Variants in HACD1 observed in about 807,000 individuals in gnomAD.
HACD1 encodes the protein very-long-chain (3R)-3-hydroxyacyl-CoA dehydratase 1.
A neutral mutation model predicts 32.0 loss-of-function variants in HACD1; 41 were observed. That is an observed-to-expected ratio of 1.28 (90% CI 1.00 to 1.66). The LOEUF (loss-of-function observed/expected upper bound fraction) is 1.66. HACD1 is among the 40% of genes most tolerant of loss of function. The pLI is 0.00. For missense variants in HACD1, 396 were observed against 380.1 expected, an observed-to-expected ratio of 1.04 and a Z score of -0.35; for synonymous variants, 142 against 139.0, an observed-to-expected ratio of 1.02 and a Z score of -0.15.
chr10:17,593,334 A>C (rs1554815728), intron 6 of HACD1, among the ~76,000 whole-genome samples: 1 of 120,502 alleles, frequency 8.3e-6, no homozygotes, highest in Non-Finnish European at 1.9e-5. Flanking sequence ...TTTTTTTTTG[A>C]GACAGAGTCT....
chr10:17,612,844 T>A (rs1345142637), intron 1 of HACD1, among the ~76,000 whole-genome samples: 1 of 149,438 alleles, frequency 6.7e-6, no homozygotes. Flanking sequence ...ATGGCGAGAA[T>A]CCGGGAGGCG....
rs541937721 is a variant in HACD1 at position 17,590,394 on chromosome 10, A to G, written c.837T>C (p.His279=). The change falls in exon 7 of 7, where the codon CAT becomes CAC. Residue 279 remains histidine (H), a synonymous_variant. Transcript: ENST00000361271. ...HMLRQRRKVL[H]GEVIVEKDD is the part of the protein sequence containing the mutation. ...CATCCTTTTCTACAATCACCTCTCC[A>G]TGAAGCACCTTTCTTCTTTGACGTA... The G allele has an allele frequency of 3.1e-6, 5 of 1,604,784 alleles. No homozygotes were observed. The African/African-American group carries it at 6.7e-5, about 21-fold the overall frequency.
chr10:17,603,793 A>G, intron 2 of HACD1, 49 bp from the exon 3 acceptor site: 1 of 1,553,194 alleles, frequency 6.4e-7, no homozygotes, highest in Non-Finnish European at 8.9e-7. Flanking sequence ...GAAAACATTA[A>G]ATAAACCACT....
chr10:17,614,355 C>T (rs1025284614), intron 1 of HACD1, among the ~76,000 whole-genome samples: 1 of 152,172 alleles, frequency 6.6e-6, no homozygotes, highest in Non-Finnish European at 1.5e-5. Context: ...CTCCTGGGTT[C>T]AAGCGATTAT....
At chr10:17,601,640 AT>A (rs1834071758) in intron 4 of HACD1, among the ~76,000 whole-genome samples, 2 of 152,090 alleles carry the variant, frequency 1.3e-5, no homozygotes, top group African/African-American at 2.4e-5. Context: ...TAACTCAGCT[AT>A]TATATTCCCT....
chr10:17,615,891 C>G (rs1554817987), intron 1 of HACD1: 2 of 419,442 alleles, frequency 4.8e-6, no homozygotes, highest in East Asian at 1.7e-4. Context: ...CGCTTGAACT[C>G]CGGAGGCTGA....
In HACD1 at chr10:17,599,338, T is replaced by C. The variant is rs1554816278; in HGVS notation, c.557A>G (p.Tyr186Cys). 1.2e-6 allele frequency: 2 copies of C among 1,613,962 alleles called. No homozygotes were observed. The highest frequency in any genetic ancestry group is 1.7e-6 in the Non-Finnish European group (2 of 1,179,996). The change falls in exon 5 of 7, where the codon TAC (tyrosine) becomes TGC (cysteine). Residue 186 changes from tyrosine (Y) to cysteine (C), a missense_variant. Transcript: ENST00000361271. Reference sequence around the variant, plus strand: ...CAAGTGGTCAAGAAGGCTGAATGTGTAGAAGGAATAGCGAGTGATCTCTGT... The same window carrying C: ...CAAGTGGTCAAGAAGGCTGAATGTGCAGAAGGAATAGCGAGTGATCTCTGT... ...TVTEITRYSFYTFSLLDHLPY... is the reference protein window; with the variant it reads ...TVTEITRYSFCTFSLLDHLPY...
intron 5 of HACD1, among the ~76,000 whole-genome samples, chr10:17,594,861 T>C (rs1393876175): frequency 6.8e-6 from 1 of 147,160 alleles, no homozygotes; most frequent in Non-Finnish European, 1.5e-5. Context: ...TTTTTTTTTG[T>C]TTTTTGTTTT....
At chr10:17,600,313 C>T (rs1172468783) in intron 4 of HACD1, among the ~76,000 whole-genome samples, 1 of 152,130 alleles carries the variant, frequency 6.6e-6, no homozygotes, top group Non-Finnish European at 1.5e-5. Context: ...TATTTGCTCA[C>T]CACCTTTATT....
intron 4 of HACD1, chr10:17,602,946 G>A (rs192310273): frequency 5.3e-5 from 8 of 151,964 alleles, no homozygotes; most frequent in South Asian, 2.1e-4. Flanking sequence ...GGAGTGCAGT[G>A]GCACAATCTC....
At chr10:17,612,150 C>T (rs1190528819) in intron 1 of HACD1, among the ~76,000 whole-genome samples, 1 of 150,018 alleles carries the variant, frequency 6.7e-6, no homozygotes, top group Non-Finnish European at 1.5e-5. Flanking sequence ...ATCCTTACAT[C>T]CTTTAAAGGT....
intron 5 of HACD1, among the ~76,000 whole-genome samples, chr10:17,595,252 G>A (rs1292342309): frequency 6.6e-6 from 1 of 152,084 alleles, no homozygotes; most frequent in Non-Finnish European, 1.5e-5. Flanking sequence ...GTAATTTATT[G>A]ATCAAACACT....
rs71393019 is a variant in HACD1 at position 17,591,976 on chromosome 10, A to ATTTTTTTTTTTTTTTTT, written c.785-1547_785-1531dup. On this transcript the variant is annotated intron_variant, in intron 6 of 6. Transcript: ENST00000361271. ...CCCTGCCTTAACTCACCAGCTACTG[A>ATTTTTTTTTTTTTTTTT]TTTTTTTTTTTTTTTTTTTTTTTGA... 9.1e-4 allele frequency among the ~76,000 whole-genome samples: 88 copies of ATTTTTTTTTTTTTTTTT among 96,942 alleles called. 19 individuals carry two copies. Among genetic ancestry groups the ATTTTTTTTTTTTTTTTT allele is most frequent in the African/African-American group, 3.0e-3 (66 of 22,290 alleles). The allele number at this position is 96,942 out of a possible 152,430, so 63.6% of individuals were successfully genotyped here.
intron 1 of HACD1, 148 bp downstream of exon 1, chr10:17,616,935 G>C: frequency 1.4e-6 from 1 of 701,276 alleles, no homozygotes; most frequent in Non-Finnish European, 1.9e-6. Flanking sequence ...ATTCAACCCC[G>C]GCGGTGGCCG....
intron 1 of HACD1, among the ~76,000 whole-genome samples, chr10:17,613,757 G>C (rs1184477048): frequency 6.6e-6 from 1 of 152,176 alleles, no homozygotes; most frequent in Non-Finnish European, 1.5e-5. Flanking sequence ...ATTTAATTCT[G>C]CACCAGGTAA....
chr10:17,604,902 C>G (rs1262860116), intron 1 of HACD1, among the ~76,000 whole-genome samples: 1 of 152,066 alleles, frequency 6.6e-6, no homozygotes, highest in Admixed American at 6.6e-5. Context: ...TATGGGTTTT[C>G]GCCATGTTGC....
In HACD1 at chr10:17,597,735, C is replaced by T. The variant is rs141311734; in HGVS notation, c.605+1555G>A. Among the ~76,000 whole-genome samples the T allele has an allele frequency of 1.3e-3, 205 of 151,924 alleles. 1 individual carries two copies. The highest frequency in any genetic ancestry group is 4.8e-3 in the African/African-American group (198 of 41,520). On this transcript the variant is annotated intron_variant, in intron 5 of 6. Transcript: ENST00000361271. ...ATTGATGTGTTCTAGGATTAGAGTC[C>T]AGCTACATTCAAAACTGCCAACCTT...
intron 6 of HACD1, 58 bp downstream of exon 6, chr10:17,594,147 C>A: frequency 8.0e-7 from 1 of 1,251,710 alleles, no homozygotes; most frequent in Non-Finnish European, 1.0e-6. Flanking sequence ...ATTATTATAT[C>A]CTTTCAAAAA....
At chr10:17,595,793 T>A (rs1833988150) in intron 5 of HACD1, among the ~76,000 whole-genome samples, 1 of 151,784 alleles carries the variant, frequency 6.6e-6, no homozygotes, top group Non-Finnish European at 1.5e-5. Flanking sequence ...GCAAGACCAC[T>A]CTGGGCGATA....
Sources: gnomAD v4.1 joint callset for allele counts (sites outside exome capture counted in the v4.1 genomes callset) on GRCh38, gnomAD v4.1.1 for gene constraint, MANE v1.5 for transcripts, NCBI Gene and HGNC (gene_info 2026-07-23, HGNC 2026-07-21) for gene names.